Variants in UGT2B7 observed in about 807,000 individuals in gnomAD.
UGT2B7 encodes the protein UDP-glucuronosyltransferase 2B7.
Under a neutral mutation model 51.9 loss-of-function variants are expected in UGT2B7, and 51 were observed. That is an observed-to-expected ratio of 0.98 (90% CI 0.78 to 1.24). UGT2B7 has a LOEUF of 1.24. UGT2B7 is among the 50% of genes most tolerant of loss of function. The pLI is 0.00. For missense variants in UGT2B7, 727 were observed against 628.4 expected (o/e 1.16, Z -1.68); for synonymous variants, 225 against 211.6 (o/e 1.06, Z -0.55).
Position 69,100,124 on chromosome 4 carries a change from C to T in UGT2B7, c.870+1436C>T, listed in dbSNP as rs1323364972. 2.6e-5 allele frequency among the ~76,000 whole-genome samples: 4 copies of T among 151,998 alleles called. No individual in the cohort carries two copies. The East Asian group carries it at 7.7e-4, about 29-fold the overall frequency. ...TTACATATTACAGCATAAACATACC[C>T]TATGAGAGCAGATGATTTTTGCCGT... is the stretch of plus-strand genomic sequence containing the variant. On this transcript the variant is annotated intron_variant, in intron 2 of 5. Coordinates refer to ENST00000305231, the MANE Select transcript of UGT2B7 (RefSeq NM_001074.4).
At chr4:69,087,018 G>A (rs918917299) in intron 1 of UGT2B7, among the ~76,000 whole-genome samples, 2 of 150,418 alleles carry the variant, frequency 1.3e-5, no homozygotes, top group African/African-American at 4.9e-5. Context: ...TTGTTTTCTA[G>A]GTTAGTTTCT....
intron 1 of UGT2B7, chr4:69,066,469 A>G: frequency 6.6e-6 from 1 of 152,092 alleles, no homozygotes; most frequent in East Asian, 1.9e-4. Context: ...GTAGTCCAGA[A>G]TGACCTTCTC....
chr4:69,112,928 G>T lies in UGT2B7; in HGVS notation c.*192G>T. 2.5e-6 allele frequency: 2 copies of T among 813,202 alleles called. No homozygotes were observed. The highest frequency in any genetic ancestry group is 3.5e-6 in the Non-Finnish European group (2 of 571,750). 50.4% of individuals were successfully genotyped at this position (813,202 alleles called of 1,614,324 possible). On this transcript the variant is annotated 3_prime_UTR_variant, in exon 6 of 6. Transcript: ENST00000305231. ...AGATTTACCACCCAGTTCATGGTTA[G>T]AAATATTTTGTGGCAATGAAGAAAA...
At chr4:69,094,928 T>C (rs969493081), upstream of UGT2B7, among the ~76,000 whole-genome samples, 11 of 152,214 alleles carry the variant, frequency 7.2e-5, no homozygotes, top group Non-Finnish European at 1.2e-4. Context: ...GTAGATTCCA[T>C]CTCAGGAAAC....
In UGT2B7 at chr4:69,100,034, C is replaced by A. The variant is rs557899825; in HGVS notation, c.870+1346C>A. On this transcript the variant is annotated intron_variant, in intron 2 of 5. Transcript: ENST00000305231. ...AATGTGTTCCTTTAATATTTGCAGA[C>A]AAACTTAGTGTTCACTTGATCTTAC... Among the ~76,000 whole-genome samples the A allele has an allele frequency of 7.9e-5, 12 of 152,110 alleles. No homozygotes were observed. In the South Asian group the frequency reaches 2.5e-3, roughly 32 times the overall value.
chr4:69,059,953 C>T (rs1045134449), intron 1 of UGT2B7, among the ~76,000 whole-genome samples: 2 of 152,198 alleles, frequency 1.3e-5, no homozygotes. Flanking sequence ...TGGCTTGCAC[C>T]AATTAATGAG....
intron 1 of UGT2B7, among the ~76,000 whole-genome samples, chr4:69,053,975 A>G (rs921975227): frequency 2.6e-5 from 4 of 152,210 alleles, no homozygotes; most frequent in African/African-American, 7.2e-5. Flanking sequence ...TCCAACTCTC[A>G]TATCTATTTA....
At chr4:69,078,074 G>A (rs924063327) in intron 1 of UGT2B7, among the ~76,000 whole-genome samples, 7 of 151,232 alleles carry the variant, frequency 4.6e-5, no homozygotes, top group African/African-American at 7.3e-5. Flanking sequence ...TTTTTTCATT[G>A]GTTCTTTTTA....
At position 69,086,586 on chromosome 4, in the gene UGT2B7, C is replaced by T. The variant is rs538945019; in HGVS notation, c.-158-2886C>T. Among the ~76,000 whole-genome samples the T allele has an allele frequency of 1.1e-4, 17 of 151,934 alleles. No homozygotes were observed. In the East Asian group the frequency reaches 3.1e-3, roughly 28 times the overall value. On this transcript the variant is annotated intron_variant, in intron 1 of 5. Transcript: ENST00000502942. ...ATTGTAAGTAAAGTGCTGCACTCTT[C>T]TACTATTATCATATCACAGTCAATC... is the stretch of plus-strand genomic sequence containing the variant.
At chr4:69,112,352 C>T (rs551188182) in intron 5 of UGT2B7, 105 bp from the exon 6 acceptor site, 115 of 1,443,770 alleles carry the variant, frequency 8.0e-5, no homozygotes, top group Middle Eastern at 2.6e-4. Flanking sequence ...GGAGTCTTGC[C>T]GATGCTCCCA....
intron 1 of UGT2B7, among the ~76,000 whole-genome samples, chr4:69,073,919 T>C (rs1161103529): frequency 6.6e-6 from 1 of 152,176 alleles, no homozygotes; most frequent in Non-Finnish European, 1.5e-5. Context: ...TCATTTCATA[T>C]ATAATTAGGG....
At chr4:69,103,511 C>T (rs1457392371) in intron 3 of UGT2B7, among the ~76,000 whole-genome samples, 1 of 152,200 alleles carries the variant, frequency 6.6e-6, no homozygotes, top group Non-Finnish European at 1.5e-5. Flanking sequence ...CTCATACATA[C>T]TGCTGAATTT....
chr4:69,111,710 TAAAC>T (rs1356244885), intron 5 of UGT2B7, among the ~76,000 whole-genome samples: 1 of 152,162 alleles, frequency 6.6e-6, no homozygotes, highest in East Asian at 1.9e-4. Flanking sequence ...CTCAAAAACT[TAAAC>T]AATTAAAAAC....
At position 69,102,947 on chromosome 4, in the gene UGT2B7, A is replaced by C. The variant is rs767420263; in HGVS notation, c.1002+9A>C. ...CCCAGATCCCACAAAAGGTAAGATG[A>C]AGTGCCTTACTGGTGTGGAAAACTA... On this transcript the variant is annotated intron_variant, in intron 3 of 5. Coordinates refer to ENST00000305231, the MANE Select transcript of UGT2B7 (RefSeq NM_001074.4). 16 of 1,611,426 alleles carry C rather than the reference A, an allele frequency of 9.9e-6. No homozygotes were observed. In the African/African-American group the frequency reaches 1.9e-4, roughly 19 times the overall value.
At chr4:69,080,437 A>G (rs552222107) in intron 1 of UGT2B7, among the ~76,000 whole-genome samples, 5 of 151,724 alleles carry the variant, frequency 3.3e-5, no homozygotes, top group African/African-American at 9.7e-5. Context: ...AATCTCAGCT[A>G]CTCAGGAGAC....
intron 1 of UGT2B7, among the ~76,000 whole-genome samples, chr4:69,068,107 TA>T (rs1331282055): frequency 3.9e-5 from 6 of 152,082 alleles, no homozygotes; most frequent in Non-Finnish European, 1.5e-5. Flanking sequence ...CAAATAAACA[TA>T]TTCATGATCT....
chr4:69,111,179 A>G (rs1352386977), intron 5 of UGT2B7, among the ~76,000 whole-genome samples: 3 of 152,154 alleles, frequency 2.0e-5, no homozygotes, highest in Non-Finnish European at 4.4e-5. Flanking sequence ...TAGAAGGCCA[A>G]TCTAGAAGAC....
chr4:69,062,654 T>C (rs1351410565), intron 1 of UGT2B7, among the ~76,000 whole-genome samples: 1 of 152,144 alleles, frequency 6.6e-6, no homozygotes, highest in Non-Finnish European at 1.5e-5. Context: ...GATCCTGCAA[T>C]GAGACCACAT....
At chr4:69,103,124 G>A (rs1177672145) in intron 3 of UGT2B7, among the ~76,000 whole-genome samples, 186 bp downstream of exon 3, 2 of 151,222 alleles carry the variant, frequency 1.3e-5, no homozygotes, top group African/African-American at 4.9e-5. Flanking sequence ...TTTAAATGGT[G>A]TTAAGTATGA....
Sources: gnomAD v4.1 joint callset for allele counts (sites outside exome capture counted in the v4.1 genomes callset) on GRCh38, gnomAD v4.1.1 for gene constraint, MANE v1.5 for transcripts, NCBI Gene and HGNC (gene_info 2026-07-23, HGNC 2026-07-21) for gene names.